CACNA1D: variants seen among roughly 807,000 people sequenced by gnomAD.
CACNA1D encodes the protein calcium voltage-gated channel subunit alpha1 D.
CACNA1D carries 55 observed loss-of-function variants against 257.1 expected under a neutral mutation model. The observed-to-expected ratio is 0.21, with a 90% CI of 0.17 to 0.27. The LOEUF is 0.27. CACNA1D is among the 10% of genes least tolerant of loss of function. CACNA1D has a pLI of 1.00. For missense variants in CACNA1D, 1,876 were observed against 2,784.0 expected, an observed-to-expected ratio of 0.67 and a Z score of 7.34; for synonymous variants, 980 against 1,014.9, an observed-to-expected ratio of 0.97 and a Z score of 0.65.
chr3:53,516,415 G>GCCCTT (rs905878057), intron 3 of CACNA1D, among the ~76,000 whole-genome samples: 2 of 152,232 alleles, frequency 1.3e-5, no homozygotes, highest in Non-Finnish European at 2.9e-5. Flanking sequence ...AGAGGAGTGT[G>GCCCTT]CCCTTCCCTT....
chr3:53,719,781 G>A lies in CACNA1D; in HGVS notation c.1505G>A (p.Ser502Asn). ...LCQAISKSKLSRRWRRWNRFN... is the reference protein window; with the variant it reads ...LCQAISKSKLNRRWRRWNRFN... ...CAAGCCATCTCAAAATCCAAACTCA[G>A]GTCAGTATCTTCTTTCTGTTTCTTC... Residue 502 changes from serine (S) to asparagine (N), a missense_variant and splice_region_variant, in exon 11 of 48, where the codon AGC (serine) becomes AAC (asparagine). Physicochemically the swap from Ser to Asn is conservative, Grantham distance 46. Transcript: ENST00000350061. The A allele has an allele frequency of 6.2e-7, 1 of 1,613,456 alleles. No individual in the cohort carries two copies. Among genetic ancestry groups the A allele is most frequent in the Non-Finnish European group, 8.5e-7 (1 of 1,179,382 alleles).
chr3:53,790,719 C>T (rs760226931), intron 40 of CACNA1D, among the ~76,000 whole-genome samples: 3 of 152,196 alleles, frequency 2.0e-5, no homozygotes, highest in Non-Finnish European at 4.4e-5. Context: ...ATGTGCCCCG[C>T]GTGGTCTTCT....
chr3:53,563,084 A>C (rs539373859), intron 3 of CACNA1D, among the ~76,000 whole-genome samples: 2 of 152,326 alleles, frequency 1.3e-5, no homozygotes, highest in South Asian at 4.1e-4. Context: ...AAGGATATGC[A>C]TAAAGTATTT....
rs753554240 is a variant in CACNA1D at position 53,723,804 on chromosome 3, C to G, written c.1905C>G (p.Ser635=). ...RIFKVTRHWT[S]LSNLVASLLN... ...TCTTGACTTATAGGCACTGGACTTC[C>G]CTGAGCAACTTAGTGGCATCCTTAT... The change falls in exon 14 of 48, where the codon TCC becomes TCG. Residue 635 remains serine, a synonymous_variant. Transcript: ENST00000350061. This position sits in a 1 kb window ranked among gnomAD's most constrained non-coding sequence, Gnocchi z 5.6. 6.2e-7 allele frequency: 1 copy of G among 1,613,994 alleles called. No individual in the cohort carries two copies. The highest frequency in any genetic ancestry group is 8.5e-7 in the Non-Finnish European group (1 of 1,179,870).
intron 2 of CACNA1D, 95 bp downstream of exon 2, chr3:53,497,556 G>C: frequency 7.9e-7 from 1 of 1,271,296 alleles, no homozygotes; most frequent in South Asian, 1.2e-5. Flanking sequence ...AGCTGTAGCA[G>C]TCTGGAATGC....
chr3:53,666,844 A>G (rs541481936), intron 7 of CACNA1D, among the ~76,000 whole-genome samples: 6 of 152,286 alleles, frequency 3.9e-5, no homozygotes, highest in South Asian at 4.1e-4. Context: ...AGCCAGGGCT[A>G]TCCTGATTCA....
intron 30 of CACNA1D, among the ~76,000 whole-genome samples, chr3:53,767,941 C>G (rs2095343682): frequency 6.6e-6 from 1 of 152,208 alleles, no homozygotes; most frequent in Non-Finnish European, 1.5e-5. Context: ...TCTTTCCTTC[C>G]TCCCTCCCTC....
At chr3:53,699,269 A>T (rs1476085661) in intron 8 of CACNA1D, among the ~76,000 whole-genome samples, 1 of 152,180 alleles carries the variant, frequency 6.6e-6, no homozygotes, top group Non-Finnish European at 1.5e-5. Flanking sequence ...CTTAGAGCCC[A>T]TTCACAGCTA....
At chr3:53,608,523 G>A (rs1218867464) in intron 3 of CACNA1D, among the ~76,000 whole-genome samples, 1 of 152,198 alleles carries the variant, frequency 6.6e-6, no homozygotes, top group African/African-American at 2.4e-5. Context: ...ATGTGGAATA[G>A]GAGTAGTGAC....
At chr3:53,780,221 AAGGGGAGG>A in intron 38 of CACNA1D, 93 bp downstream of exon 38, 1 of 1,018,252 alleles carries the variant, frequency 9.8e-7, no homozygotes, top group Non-Finnish European at 1.6e-6. Flanking sequence ...TTTCTTGGCC[AAGGGGAGG>A]CCCTGGGGAA....
rs35057005 is a variant in CACNA1D, at chr3:53,702,805, G to A, written c.1385G>A (p.Arg462Gln). 6.1e-5 allele frequency: 98 copies of A among 1,614,174 alleles called. 2 individuals carry two copies. The highest frequency in any genetic ancestry group is 3.3e-4 in the African/African-American group (25 of 75,054). Reference protein sequence around the residue: ...NEEEGGEEGKRNTSMPTSETE... With the variant: ...NEEEGGEEGKQNTSMPTSETE... ...GAAGAAGGAGGAGAGGAAGGCAAACGAAATAGTATGTAGCGCCTTTCCTGC... is the reference window on the plus strand; with the variant it reads ...GAAGAAGGAGGAGAGGAAGGCAAACAAAATAGTATGTAGCGCCTTTCCTGC... Residue 462 changes from arginine (R) to glutamine (Q), a missense_variant, in exon 9 of 48, where the codon CGA (arginine) becomes CAA (glutamine). Around this residue, in one of 10 missense-constraint regions of CACNA1D, gnomAD observed 257 missense variants for 399.7 expected, o/e 0.64. Transcript: ENST00000350061.
In CACNA1D at chr3:53,494,894, A is replaced by G; in HGVS notation, c.-273A>G. 2.5e-6 allele frequency: 1 copy of G among 407,466 alleles called. No individual in the cohort carries two copies. Among genetic ancestry groups the G allele is most frequent in the East Asian group, 4.9e-5 (1 of 20,564 alleles). The allele number at this position is 407,466 out of a possible 1,614,324, so 25.2% of individuals were successfully genotyped here. ...AAAATTACATGTATATATTATTAAG[A>G]TAATATATACATTGGATTTTATTTT... On this transcript the variant is annotated 5_prime_UTR_variant, in exon 1 of 48. Transcript: ENST00000350061.
intron 28 of CACNA1D, among the ~76,000 whole-genome samples, chr3:53,752,931 G>T (rs78222072): frequency 5.9e-5 from 9 of 152,304 alleles, no homozygotes; most frequent in African/African-American, 2.2e-4. Context: ...AACAGCGAAT[G>T]TTTTCAAAAG....
chr3:53,504,855 C>G (rs535561503), intron 3 of CACNA1D, among the ~76,000 whole-genome samples: 1 of 152,280 alleles, frequency 6.6e-6, no homozygotes, highest in East Asian at 1.9e-4. Context: ...TCTGTGTAAT[C>G]TGTTCCTGGT....
chr3:53,810,787 C>CAAAAA (rs960057720), intron 47 of CACNA1D, among the ~76,000 whole-genome samples: 2 of 87,750 alleles, frequency 2.3e-5, no homozygotes, highest in African/African-American at 9.1e-5. Flanking sequence ...AAAAAAAAAA[C>CAAAAA]AAAAACTGGT....
At chr3:53,792,322 G>A (rs1466146065) in intron 40 of CACNA1D, 1 of 152,188 alleles carries the variant, frequency 6.6e-6, no homozygotes, top group Non-Finnish European at 1.5e-5. Flanking sequence ...GGTGGTTGGA[G>A]TCTGTACATC....
chr3:53,642,769 C>T (rs1489716049), intron 3 of CACNA1D, among the ~76,000 whole-genome samples: 2 of 152,234 alleles, frequency 1.3e-5, no homozygotes, highest in African/African-American at 4.8e-5. Flanking sequence ...GGGCCAGGGC[C>T]TTGCCCCACC....
intron 3 of CACNA1D, among the ~76,000 whole-genome samples, chr3:53,637,274 G>T (rs2093895289): frequency 6.6e-6 from 1 of 152,132 alleles, no homozygotes; most frequent in Non-Finnish European, 1.5e-5. Flanking sequence ...GGCCTGTAAT[G>T]TTCATACCAC....
At chr3:53,510,868 CA>C (rs1244515858) in intron 3 of CACNA1D, among the ~76,000 whole-genome samples, 1 of 152,168 alleles carries the variant, frequency 6.6e-6, no homozygotes, top group Non-Finnish European at 1.5e-5. Flanking sequence ...TATTTTGCAC[CA>C]GTGACCAGAT....
Sources: allele counts gnomAD v4.1 joint callset (sites outside exome capture counted in the v4.1 genomes callset), GRCh38; gene constraint gnomAD v4.1.1; regional missense constraint gnomAD v4.1.1; non-coding constraint Gnocchi (gnomAD v3.1); transcripts MANE v1.5; gene names NCBI Gene and HGNC (gene_info 2026-07-23, HGNC 2026-07-21).